MARCHF1: variants seen among roughly 807,000 people sequenced by gnomAD.
The protein encoded by MARCHF1 is E3 ubiquitin-protein ligase MARCHF1.
Under a neutral mutation model 54.2 loss-of-function variants are expected in MARCHF1, and 40 were observed. That is an observed-to-expected ratio of 0.74 (90% confidence interval 0.57 to 0.96). The LOEUF (loss-of-function observed/expected upper bound fraction) is 0.96. MARCHF1 is among the 40% of genes least tolerant of loss of function. The probability of loss-of-function intolerance (pLI) is 0.00; values close to 1 mark genes in which losing one functional copy is unlikely to be tolerated. For missense variants in MARCHF1, 586 were observed against 656.5 expected (o/e 0.89, Z 1.17); for synonymous variants, 236 against 236.3 (o/e 1.00, Z 0.01).
At chr4:163,569,469 T>C (rs1479086484) in intron 8 of MARCHF1, among the ~76,000 whole-genome samples, 1 of 152,190 alleles carries the variant, frequency 6.6e-6, no homozygotes, top group Non-Finnish European at 1.5e-5. Flanking sequence ...AATTAACTTA[T>C]AGTGTAAACA....
chr4:164,179,466 C>A (rs562468854), intron 1 of MARCHF1, among the ~76,000 whole-genome samples: 10 of 152,076 alleles, frequency 6.6e-5, no homozygotes, highest in African/African-American at 2.2e-4. Context: ...TACACTAATA[C>A]AATAATATTG....
At chr4:163,723,296 T>G (rs1745539216) in intron 4 of MARCHF1, among the ~76,000 whole-genome samples, 1 of 152,218 alleles carries the variant, frequency 6.6e-6, no homozygotes, top group South Asian at 2.1e-4. Flanking sequence ...TTAGTTTGGC[T>G]GGATATGAAA....
At chr4:163,810,651 T>C (rs539195554) in intron 4 of MARCHF1, among the ~76,000 whole-genome samples, 385 of 152,302 alleles carry the variant, frequency 2.5e-3, no homozygotes, top group Admixed American at 4.6e-3. Flanking sequence ...AAAACAATCA[T>C]TGAGAGTGCT....
intron 1 of MARCHF1, among the ~76,000 whole-genome samples, chr4:164,176,005 A>G (rs1287592329): frequency 6.6e-6 from 1 of 152,234 alleles, no homozygotes; most frequent in East Asian, 1.9e-4. Flanking sequence ...CAATCATCAA[A>G]AAAGCAACCT....
intron 5 of MARCHF1, among the ~76,000 whole-genome samples, chr4:163,637,645 G>T (rs1742387857): frequency 6.7e-6 from 1 of 149,190 alleles, no homozygotes; most frequent in South Asian, 2.2e-4. Flanking sequence ...ACTGTTGGTG[G>T]GACTGTAAAC....
rs553082695 is a variant in MARCHF1 at position 164,058,473 on chromosome 4, C to G, written c.-248+53115G>C. 2.6e-5 allele frequency among the ~76,000 whole-genome samples: 4 copies of G among 152,326 alleles called. No homozygotes were observed. The South Asian group carries it at 8.3e-4, about 32-fold the overall frequency. The stretch of plus-strand genomic sequence containing the variant: ...CAGTGAAGTCACTCAGGGATTCATG[C>G]TCAGAAGGCGACCTCAGTTGCATGG... On this transcript the variant is annotated intron_variant, in intron 2 of 9. Coordinates refer to ENST00000514618, the MANE Select transcript of MARCHF1 (RefSeq NM_001394959.1).
At chr4:164,256,550 G>T (rs905514075) in intron 1 of MARCHF1, among the ~76,000 whole-genome samples, 1 of 150,594 alleles carries the variant, frequency 6.6e-6, no homozygotes, top group African/African-American at 2.5e-5. Context: ...GAATAGACAA[G>T]AATTTTTTTA....
intron 4 of MARCHF1, among the ~76,000 whole-genome samples, chr4:163,823,493 A>G (rs1441349801): frequency 6.6e-6 from 1 of 151,888 alleles, no homozygotes; most frequent in African/African-American, 2.4e-5. Flanking sequence ...GAAGGTATGT[A>G]TTAGAATATT....
rs139393638 is a variant in MARCHF1, at chr4:164,043,220, T to C, written c.-247-54511A>G. ...CACCATATTTCCCCTCCATCTGCCA[T>C]AGTAAAGGTTCTCCATGAGGGCTCC... On this transcript the variant is annotated intron_variant, in intron 2 of 9. Coordinates refer to ENST00000514618, the MANE Select transcript of MARCHF1 (RefSeq NM_001394959.1). 1.8e-4 allele frequency among the ~76,000 whole-genome samples: 28 copies of C among 152,290 alleles called. No individual in the cohort carries two copies. In the East Asian group the frequency reaches 5.4e-3, roughly 29 times the overall value.
At chr4:164,264,378 T>C (rs575038749) in intron 1 of MARCHF1, among the ~76,000 whole-genome samples, 38 of 152,110 alleles carry the variant, frequency 2.5e-4, no homozygotes, top group African/African-American at 9.2e-4. Flanking sequence ...AAGATAACTA[T>C]TGGGTACTAG....
chr4:163,828,054 C>CACACACACAGAGAG (rs774603753), intron 4 of MARCHF1, among the ~76,000 whole-genome samples: 399 of 148,302 alleles, frequency 2.7e-3, no homozygotes, highest in Non-Finnish European at 4.6e-3. Flanking sequence ...CACACACACA[C>CACACACACAGAGAG]AGACACACCT....
At chr4:164,219,304 T>C (rs950140569) in intron 1 of MARCHF1, among the ~76,000 whole-genome samples, 2 of 152,180 alleles carry the variant, frequency 1.3e-5, no homozygotes, top group Admixed American at 6.5e-5. Flanking sequence ...AAAATGTATC[T>C]GCTTTCCACA....
chr4:163,943,959 A>C (rs1751970012), intron 3 of MARCHF1, among the ~76,000 whole-genome samples: 1 of 151,502 alleles, frequency 6.6e-6, no homozygotes, highest in African/African-American at 2.4e-5. Flanking sequence ...AACACAGAAA[A>C]ATGCTTTTTT....
chr4:163,805,819 C>T (rs1748210995), intron 4 of MARCHF1, among the ~76,000 whole-genome samples: 1 of 152,172 alleles, frequency 6.6e-6, no homozygotes, highest in Non-Finnish European at 1.5e-5. Flanking sequence ...TCTACACAAA[C>T]ACTAGGCTCA....
At chr4:164,096,166 T>C (rs1189645396) in intron 2 of MARCHF1, among the ~76,000 whole-genome samples, 5 of 152,140 alleles carry the variant, frequency 3.3e-5, no homozygotes, top group Non-Finnish European at 5.9e-5. Context: ...GAATCATCAA[T>C]TGGTGCCCAT....
At chr4:163,800,163 C>A (rs1019929745) in intron 4 of MARCHF1, among the ~76,000 whole-genome samples, 9 of 151,954 alleles carry the variant, frequency 5.9e-5, no homozygotes, top group African/African-American at 1.9e-4. Flanking sequence ...GAAAAACTAG[C>A]TCTTGGGTAC....
At chr4:163,884,799 G>T (rs1014319626) in intron 3 of MARCHF1, among the ~76,000 whole-genome samples, 2 of 152,158 alleles carry the variant, frequency 1.3e-5, no homozygotes, top group Non-Finnish European at 2.9e-5. Context: ...ATCCATTTTA[G>T]AAATGGTTAG....
At chr4:163,880,551 A>C (rs1263635810) in intron 3 of MARCHF1, among the ~76,000 whole-genome samples, 1 of 151,608 alleles carries the variant, frequency 6.6e-6, no homozygotes, top group Non-Finnish European at 1.5e-5. Context: ...TTACTACATA[A>C]AAATTATGCA....
intron 5 of MARCHF1, among the ~76,000 whole-genome samples, chr4:163,667,708 C>A (rs1045446698): frequency 1.3e-5 from 2 of 152,020 alleles, no homozygotes; most frequent in Non-Finnish European, 2.9e-5. Context: ...TCACTGCAAC[C>A]TCCATCTCCT....
Sources: gnomAD v4.1 joint callset for allele counts (sites outside exome capture counted in the v4.1 genomes callset) on GRCh38, gnomAD v4.1.1 for gene constraint, MANE v1.5 for transcripts, NCBI Gene and HGNC (gene_info 2026-07-23, HGNC 2026-07-21) for gene names.